Variants in NUMA1 observed in about 807,000 individuals in gnomAD.
The protein encoded by NUMA1 is nuclear mitotic apparatus protein 1.
In NUMA1, 62 loss-of-function variants were observed where a neutral mutation model predicts 237.1. The observed-to-expected ratio is 0.26, with a 90% CI of 0.21 to 0.32. The LOEUF (loss-of-function observed/expected upper bound fraction) is 0.32. Ranked by LOEUF, NUMA1 falls within the 10% of genes least tolerant of loss-of-function variation. NUMA1 has a pLI of 1.00. For missense variants in NUMA1, 2,533 were observed against 2,666.5 expected (o/e 0.95, Z 1.10); for synonymous variants, 1,028 against 1,066.1 (o/e 0.96, Z 0.70).
Position 72,007,354 on chromosome 11 carries a change from C to T in NUMA1, c.5298G>A (p.Lys1766=), listed in dbSNP as rs778304500. 11 of 1,613,582 alleles carry T rather than the reference C, an allele frequency of 6.8e-6. No homozygotes were observed. In the Middle Eastern group the frequency reaches 9.9e-4, roughly 145 times the overall value. The part of the protein sequence containing the change: ...ASPISQRLPP[K]VESLESLYFT... ...AGTAGAGACTCTCCAGGGATTCTAC[C>T]TTGGGGGGCAGGCGCTGGGAGATAG... The change falls in exon 21 of 27, where the codon AAG becomes AAA. Residue 1766 remains lysine, a synonymous_variant. Transcript: ENST00000393695.
intron 17 of NUMA1, among the ~76,000 whole-genome samples, chr11:72,009,836 G>A (rs1956025515): frequency 6.6e-6 from 1 of 152,218 alleles, no homozygotes; most frequent in African/African-American, 2.4e-5. Context: ...GGAGGAAACT[G>A]AGTTCAGAGA....
In NUMA1 at chr11:72,003,062, C is replaced by T; in HGVS notation, c.*465G>A. On this transcript the variant is annotated 3_prime_UTR_variant, in exon 27 of 27. Coordinates refer to ENST00000393695, the MANE Select transcript of NUMA1 (RefSeq NM_006185.4). Reference sequence around the variant, plus strand: ...CCCATCCGTCCTGGGAAAGAGCATCCTCTGGCAGGTGCTCCCACCAGGTCA... The same window carrying T: ...CCCATCCGTCCTGGGAAAGAGCATCTTCTGGCAGGTGCTCCCACCAGGTCA... 4.2e-6 allele frequency: 1 copy of T among 240,272 alleles called. No homozygotes were observed. Among genetic ancestry groups the T allele is most frequent in the Non-Finnish European group, 8.2e-6 (1 of 122,284 alleles). The allele number at this position is 240,272 out of a possible 1,614,324, so 14.9% of individuals were successfully genotyped here.
chr11:72,017,894 C>T (rs1938106241), intron 12 of NUMA1, 67 bp from the exon 13 acceptor site: 1 of 1,553,780 alleles, frequency 6.4e-7, no homozygotes, highest in Admixed American at 1.7e-5. Flanking sequence ...GCTGTCTGCT[C>T]CCAGAACCCC....
At chr11:72,047,666 G>C (rs1333387088) in intron 2 of NUMA1, among the ~76,000 whole-genome samples, 1 of 151,972 alleles carries the variant, frequency 6.6e-6, no homozygotes, top group Non-Finnish European at 1.5e-5. Flanking sequence ...CACTCTGCCA[G>C]GCAGGTCTAT....
chr11:72,014,394 C>T lies in NUMA1; in HGVS notation c.3109G>A (p.Ala1037Thr), dbSNP rs747631165. ...AACTCCACACGCTGCTCGTTGAGGGCGTTCTGCAGCCGCATCTCAAGCTCT... is the reference window on the plus strand; with the variant it reads ...AACTCCACACGCTGCTCGTTGAGGGTGTTCTGCAGCCGCATCTCAAGCTCT... Reference protein sequence around the residue: ...RAELEMRLQNALNEQRVEFAT... With the variant: ...RAELEMRLQNTLNEQRVEFAT... The change falls in exon 15 of 27, where the codon GCC (alanine) becomes ACC (threonine). Residue 1037 changes from alanine (A) to threonine (T), a missense_variant. By Grantham distance (58) the Ala-to-Thr change is moderately conservative. This residue lies in a region of NUMA1 where 1,414 missense variants were observed against 1,508.1 expected (regional missense o/e 0.94). Transcript: ENST00000393695. This position sits in a 1 kb window ranked among gnomAD's most constrained non-coding sequence, Gnocchi z 4.6. 6 of 1,611,406 alleles carry T rather than the reference C, an allele frequency of 3.7e-6. No homozygotes were observed. The highest frequency in any genetic ancestry group is 2.2e-5 in the East Asian group (1 of 44,886).
chr11:72,014,290 A>C lies in NUMA1; in HGVS notation c.3213T>G (p.Gly1071=). The stretch of plus-strand genomic sequence containing the variant: ...GCTCTTTTATCTGGGCTGCCTCCAG[A>C]CCACGAAGCTTGGCCAACTCCTGGT... The part of the protein sequence containing the change: ...GKDQELAKLR[G]LEAAQIKELE... Residue 1071 remains glycine (G), a synonymous_variant, in exon 15 of 27, where the codon GGT becomes GGG. Transcript: ENST00000393695. The surrounding 1 kb of genome is among the most constrained non-coding windows in gnomAD (Gnocchi z 4.6). The C allele has an allele frequency of 6.2e-7, 1 of 1,613,846 alleles. No individual in the cohort carries two copies. The highest frequency in any genetic ancestry group is 2.2e-5 in the East Asian group (1 of 44,882).
At chr11:72,072,407 T>C (rs528125792) in intron 1 of NUMA1, 1 of 154,536 alleles carries the variant, frequency 6.5e-6, no homozygotes, top group South Asian at 2.0e-4. Context: ...TCTTTCCTCC[T>C]CACCAGATAA....
intron 12 of NUMA1, 153 bp from the exon 13 acceptor site, chr11:72,017,980 T>C: frequency 9.4e-7 from 1 of 1,066,038 alleles, no homozygotes; most frequent in Non-Finnish European, 1.3e-6. Flanking sequence ...AATTCAGAAC[T>C]ACAAATCAAC....
At chr11:72,019,233 TAAGAG>T (rs1938377321) in intron 9 of NUMA1, among the ~76,000 whole-genome samples, 1 of 151,954 alleles carries the variant, frequency 6.6e-6, no homozygotes, top group African/African-American at 2.4e-5. Flanking sequence ...AGAGATGTGC[TAAGAG>T]AAGAGACTTC....
intron 16 of NUMA1, 71 bp downstream of exon 16, chr11:72,012,330 C>T: frequency 2.0e-6 from 3 of 1,463,666 alleles, no homozygotes; most frequent in Non-Finnish European, 2.9e-6. Flanking sequence ...AGGCAAGCTG[C>T]AGCCGGGCTC....
At chr11:72,071,125 T>A (rs1052385154) in intron 1 of NUMA1, among the ~76,000 whole-genome samples, 48 of 152,206 alleles carry the variant, frequency 3.2e-4, no homozygotes, top group African/African-American at 1.1e-3. Flanking sequence ...AATCACAGCT[T>A]ATCTAACCAT....
At chr11:72,053,971 G>A (rs1942502192) in intron 2 of NUMA1, among the ~76,000 whole-genome samples, 1 of 152,120 alleles carries the variant, frequency 6.6e-6, no homozygotes, top group East Asian at 1.9e-4. Flanking sequence ...AAGGTTATAT[G>A]CTAATATTAT....
In NUMA1 at chr11:72,059,422, C is replaced by T. The variant is rs1056198180; in HGVS notation, c.-33+10420G>A. On this transcript the variant is annotated intron_variant, in intron 2 of 26. Coordinates refer to ENST00000393695, the MANE Select transcript of NUMA1 (RefSeq NM_006185.4). The stretch of plus-strand genomic sequence containing the variant: ...CTCCTGGTAGCTGGGACTAAAGGTG[C>T]GCACCACCATACCCAGCTAATTTAT... Among the ~76,000 whole-genome samples, 3 of 152,096 alleles carry T rather than the reference C, an allele frequency of 2.0e-5. No individual in the cohort carries two copies. The East Asian group carries it at 5.8e-4, about 29-fold the overall frequency.
rs1389131175 is a variant in NUMA1, at chr11:72,006,036, T to C, written c.5691A>G (p.Pro1897=). The C allele has an allele frequency of 6.2e-7, 1 of 1,609,932 alleles. No individual in the cohort carries two copies. Among genetic ancestry groups the C allele is most frequent in the South Asian group, 1.1e-5 (1 of 90,914 alleles). ...SQAGVSSGAP[P]GRNSFYMGTC... ...AGTAAGTCCCTGTAGTCCCCTCACCTGGAGGGGCCCCACTGGACACCCCGG... is the reference window on the plus strand; with the variant it reads ...AGTAAGTCCCTGTAGTCCCCTCACCCGGAGGGGCCCCACTGGACACCCCGG... Residue 1897 remains proline (P), a splice_region_variant and synonymous_variant, in exon 22 of 27, where the codon CCA becomes CCG. Coordinates refer to ENST00000393695, the MANE Select transcript of NUMA1 (RefSeq NM_006185.4).
chr11:72,011,668 G>C (rs1956172175), intron 16 of NUMA1, among the ~76,000 whole-genome samples: 2 of 152,176 alleles, frequency 1.3e-5, no homozygotes, highest in Non-Finnish European at 2.9e-5. Context: ...CTGGGTAGGA[G>C]AGTGATGGAG....
intron 6 of NUMA1, among the ~76,000 whole-genome samples, 198 bp downstream of exon 6, chr11:72,022,867 T>C (rs147938710): frequency 6.6e-6 from 1 of 152,240 alleles, no homozygotes; most frequent in Admixed American, 6.5e-5. Flanking sequence ...CATAAGATCA[T>C]GGGCTCCTAG....
rs1396347585 is a variant in NUMA1, at chr11:72,010,807, C to T, written c.4698G>A (p.Lys1566=). Residue 1566 remains lysine, a synonymous_variant, in exon 17 of 27, where the codon AAG becomes AAA. Transcript: ENST00000393695. ...KKLADSDQAS[K]VQQQKLKAVQ... is the part of the protein sequence containing the mutation. ...CCACCTTCAGCTTCTGCTGCTGCAC[C>T]TTGCTGGCTTGGTCAGAGTCAGCCA... 1.1e-5 allele frequency: 17 copies of T among 1,613,762 alleles called. No individual in the cohort carries two copies. The highest frequency in any genetic ancestry group is 1.4e-5 in the Non-Finnish European group (16 of 1,180,000).
intron 2 of NUMA1, among the ~76,000 whole-genome samples, chr11:72,043,752 GT>G (rs1941833276): frequency 6.6e-6 from 1 of 152,026 alleles, no homozygotes; most frequent in African/African-American, 2.4e-5. Context: ...AGGCTAAAAT[GT>G]TTTACATATA....
intron 8 of NUMA1, chr11:72,020,381 T>G (rs1239902780): frequency 6.6e-6 from 1 of 152,268 alleles, no homozygotes; most frequent in Non-Finnish European, 1.5e-5. Context: ...AGAACTCGCC[T>G]AGACCTCCTT....
Sources: gnomAD v4.1 joint callset for allele counts (sites outside exome capture counted in the v4.1 genomes callset) on GRCh38, gnomAD v4.1.1 for gene constraint, gnomAD v4.1.1 regional missense constraint, Gnocchi (gnomAD v3.1) non-coding constraint, MANE v1.5 for transcripts, NCBI Gene and HGNC (gene_info 2026-07-23, HGNC 2026-07-21) for gene names.